GRM5: variants seen among roughly 807,000 people sequenced by gnomAD.
GRM5 encodes metabotropic glutamate receptor 5.
Under a neutral mutation model 83.1 loss-of-function variants are expected in GRM5, and 19 were observed. The ratio of observed to expected loss-of-function variants is 0.23; its 90% confidence interval spans 0.16 to 0.34. The LOEUF (loss-of-function observed/expected upper bound fraction) is 0.34. Among genes scored for constraint, GRM5 ranks in the 10% least tolerant of loss-of-function variants. The pLI, the probability that GRM5 is intolerant of heterozygous loss-of-function variation, is 1.00. For synonymous variants in GRM5, 675 were observed against 633.6 expected (o/e 1.07, Z -0.98); for missense variants, 1,160 against 1,588.3 (o/e 0.73, Z 4.58).
chr11:88,589,667 C>T (rs767117213), intron 7 of GRM5, among the ~76,000 whole-genome samples: 16 of 152,178 alleles, frequency 1.1e-4, no homozygotes, highest in Non-Finnish European at 2.1e-4. Flanking sequence ...ACCTGACATA[C>T]CACATGGAGG....
At chr11:89,028,574 G>A (rs1185535520) in intron 2 of GRM5, among the ~76,000 whole-genome samples, 1 of 152,140 alleles carries the variant, frequency 6.6e-6, no homozygotes, top group Non-Finnish European at 1.5e-5. Context: ...CAGCCTGAGT[G>A]ACAGAATAAG....
intron 2 of GRM5, among the ~76,000 whole-genome samples, chr11:89,007,067 G>C (rs1452028712): frequency 1.3e-5 from 2 of 152,184 alleles, no homozygotes; most frequent in Non-Finnish European, 2.9e-5. Flanking sequence ...AAAGTGCTGG[G>C]ATTACAGGCG....
chr11:88,789,492 G>T (rs372606691), intron 3 of GRM5, among the ~76,000 whole-genome samples: 44 of 152,122 alleles, frequency 2.9e-4, no homozygotes, highest in African/African-American at 9.4e-4. Flanking sequence ...GTTATAAATT[G>T]AACATTTTTT....
intron 7 of GRM5, among the ~76,000 whole-genome samples, chr11:88,580,368 A>T (rs1943195177): frequency 6.6e-6 from 1 of 152,242 alleles, no homozygotes; most frequent in Non-Finnish European, 1.5e-5. Context: ...AAGTGTAGAC[A>T]GAAAAGAGGA....
intron 4 of GRM5, among the ~76,000 whole-genome samples, chr11:88,652,286 C>CA (rs534857489): frequency 4.5e-4 from 68 of 150,304 alleles, no homozygotes; most frequent in East Asian, 3.9e-3. Context: ...AAGTCAGTTC[C>CA]AAAAAAAAAT....
intron 4 of GRM5, among the ~76,000 whole-genome samples, chr11:88,626,306 A>G (rs1938795527): frequency 1.3e-5 from 2 of 152,230 alleles, no homozygotes. Flanking sequence ...AGAATTTCAC[A>G]GATGTAAAAC....
chr11:88,814,919 C>T (rs952817454), intron 3 of GRM5, among the ~76,000 whole-genome samples: 3 of 152,058 alleles, frequency 2.0e-5, no homozygotes, highest in African/African-American at 7.2e-5. Context: ...AATAATAGGT[C>T]TGTAAAATAC....
In GRM5 at chr11:88,654,254, A is replaced by G. The variant is rs1317029222; in HGVS notation, c.912-851T>C. The stretch of plus-strand genomic sequence containing the variant: ...GAGGAGAGTATAACAGAATAAGAAA[A>G]AGTAAAGTCTTCTACAATGATTTGG... On this transcript the variant is annotated intron_variant, in intron 3 of 9. Coordinates refer to ENST00000305447, the MANE Select transcript of GRM5 (RefSeq NM_001143831.3). Among the ~76,000 whole-genome samples the G allele has an allele frequency of 2.6e-5, 4 of 152,148 alleles. No individual in the cohort carries two copies. The East Asian group carries it at 7.7e-4, about 29-fold the overall frequency.
intron 2 of GRM5, among the ~76,000 whole-genome samples, chr11:89,026,444 G>A (rs1267643550): frequency 1.3e-5 from 2 of 152,178 alleles, no homozygotes; most frequent in African/African-American, 4.8e-5. Context: ...TTTAGCATCT[G>A]CATTTGGAAC....
intron 3 of GRM5, among the ~76,000 whole-genome samples, chr11:88,816,895 A>AT (rs1943701159): frequency 3.3e-5 from 5 of 152,126 alleles, no homozygotes; most frequent in African/African-American, 1.2e-4. Flanking sequence ...TTTAAATAAA[A>AT]TAGAAAAGTT....
chr11:88,939,325 C>T (rs1371600975), intron 2 of GRM5, among the ~76,000 whole-genome samples: 1 of 151,736 alleles, frequency 6.6e-6, no homozygotes, highest in Admixed American at 6.6e-5. Flanking sequence ...AATTTTTAAT[C>T]AAGTGATACA....
At position 88,881,323 on chromosome 11, in the gene GRM5, TA is replaced by T. The variant is rs1432502039; in HGVS notation, c.662-31169del. On this transcript the variant is annotated intron_variant, in intron 2 of 9. Coordinates refer to ENST00000305447, the MANE Select transcript of GRM5 (RefSeq NM_001143831.3). ...TTACCATGCTCAACCATAATAGGCC[TA>T]AAAAAAAAAAAACTGTCACCTTGAT... is the stretch of plus-strand genomic sequence containing the variant. 3.7e-3 allele frequency among the ~76,000 whole-genome samples: 522 copies of T among 139,538 alleles called. 3 individuals are homozygous for T. Among genetic ancestry groups the T allele is most frequent in the African/African-American group, 0.011 (407 of 38,326 alleles). 91.5% of individuals were successfully genotyped at this position (139,538 alleles called of 152,430 possible). A position where few individuals can be genotyped will look rare whatever the true frequency, so the allele number is the denominator to read the frequency against.
chr11:88,810,153 T>C (rs957457698), intron 3 of GRM5, among the ~76,000 whole-genome samples: 2 of 151,722 alleles, frequency 1.3e-5, no homozygotes, highest in Non-Finnish European at 2.9e-5. Context: ...GACTGAAGAG[T>C]AAAATGGTTT....
At chr11:88,729,176 A>T (rs151057424) in intron 3 of GRM5, among the ~76,000 whole-genome samples, 9 of 152,040 alleles carry the variant, frequency 5.9e-5, no homozygotes, top group African/African-American at 2.2e-4. Context: ...CTTCAGCAAA[A>T]TCTCAGGATA....
intron 2 of GRM5, among the ~76,000 whole-genome samples, chr11:88,935,338 A>T (rs1937855418): frequency 7.7e-6 from 1 of 130,330 alleles, no homozygotes; most frequent in Admixed American, 7.7e-5. Flanking sequence ...AGACAAAAAA[A>T]TAGTGTGTGT....
intron 4 of GRM5, among the ~76,000 whole-genome samples, chr11:88,619,198 A>T (rs1371295501): frequency 2.0e-5 from 3 of 152,232 alleles, no homozygotes; most frequent in African/African-American, 7.2e-5. Context: ...GTAGCTGTTA[A>T]ACAAAGGAAA....
At chr11:88,511,803 C>A (rs149800199) in intron 9 of GRM5, 1 of 152,150 alleles carries the variant, frequency 6.6e-6, no homozygotes, top group Non-Finnish European at 1.5e-5. Context: ...AGTTTATTTA[C>A]GAGATTTGAT....
At chr11:88,555,543 GTC>G (rs1942606929) in intron 8 of GRM5, among the ~76,000 whole-genome samples, 1 of 152,076 alleles carries the variant, frequency 6.6e-6, no homozygotes, top group East Asian at 1.9e-4. Context: ...CCAAGTTGTG[GTC>G]TCTCTTTTTT....
chr11:88,806,097 A>C (rs777363495), intron 3 of GRM5, among the ~76,000 whole-genome samples: 3 of 152,158 alleles, frequency 2.0e-5, no homozygotes, highest in Admixed American at 6.5e-5. Context: ...TTTGGACCTC[A>C]GTTTTCTCAT....
Sources: gnomAD v4.1 joint callset for allele counts (sites outside exome capture counted in the v4.1 genomes callset) on GRCh38, gnomAD v4.1.1 for gene constraint, MANE v1.5 for transcripts, NCBI Gene and HGNC (gene_info 2026-07-23, HGNC 2026-07-21) for gene names.